ODAD1: variants seen among roughly 807,000 people sequenced by gnomAD.
ODAD1 encodes outer dynein arm-docking complex subunit 1.
A neutral mutation model predicts 67.2 loss-of-function variants in ODAD1; 49 were observed. The ratio of observed to expected loss-of-function variants is 0.73; its 90% CI spans 0.58 to 0.92. The LOEUF (loss-of-function observed/expected upper bound fraction) is 0.92, where lower values mean the gene tolerates loss of function less well. Among genes scored for constraint, ODAD1 ranks in the 40% least tolerant of loss-of-function variants. The pLI is 0.00. For synonymous variants in ODAD1, 345 were observed against 393.7 expected (o/e 0.88, Z 1.46); for missense variants, 897 against 953.7 (o/e 0.94, Z 0.78).
At chr19:48,308,284 C>T (rs938766130) in intron 7 of ODAD1, among the ~76,000 whole-genome samples, 1 of 152,032 alleles carries the variant, frequency 6.6e-6, no homozygotes, top group Non-Finnish European at 1.5e-5. Flanking sequence ...AAGTGATTCT[C>T]CTGCCTCAGC....
intron 7 of ODAD1, among the ~76,000 whole-genome samples, chr19:48,309,393 C>T (rs1296305762): frequency 6.6e-6 from 1 of 152,182 alleles, no homozygotes; most frequent in African/African-American, 2.4e-5. Context: ...CTGCTGAGAG[C>T]TTCAGAGGCC....
intron 8 of ODAD1, 73 bp downstream of exon 8, chr19:48,306,183 C>T: frequency 6.5e-7 from 1 of 1,543,746 alleles, no homozygotes; most frequent in Non-Finnish European, 8.8e-7. Flanking sequence ...TGAACCTTCC[C>T]ATCACTGCCT....
chr19:48,297,701 G>T, intron 14 of ODAD1, 33 bp from the exon 15 acceptor site: 2 of 1,453,000 alleles, frequency 1.4e-6, no homozygotes, highest in South Asian at 1.4e-5. Flanking sequence ...GAAAAGACTA[G>T]ACCTCAGCCC....
At chr19:48,320,253 G>A (rs940670238) in intron 3 of ODAD1, 46 bp downstream of exon 3, 2 of 1,170,658 alleles carry the variant, frequency 1.7e-6, no homozygotes, top group Non-Finnish European at 2.3e-6. Context: ...GGAAAGCTGG[G>A]GGCTGGAAAA....
At chr19:48,315,395 T>C (rs1968871434) in intron 5 of ODAD1, among the ~76,000 whole-genome samples, 1 of 152,018 alleles carries the variant, frequency 6.6e-6, no homozygotes, top group Non-Finnish European at 1.5e-5. Context: ...AAATACAAAA[T>C]TAGCCAGGCA....
At chr19:48,315,354 G>A (rs1285703116) in intron 5 of ODAD1, among the ~76,000 whole-genome samples, 1 of 152,188 alleles carries the variant, frequency 6.6e-6, no homozygotes, top group East Asian at 1.9e-4. Flanking sequence ...AGACCAGCCT[G>A]GCCAACATGG....
chr19:48,303,796 G>C lies in ODAD1; in HGVS notation c.854-12C>G. The C allele has an allele frequency of 6.2e-7, 1 of 1,600,678 alleles. No homozygotes were observed. Among genetic ancestry groups the C allele is most frequent in the Non-Finnish European group, 8.5e-7 (1 of 1,173,102 alleles). On this transcript the variant is annotated splice_polypyrimidine_tract_variant and intron_variant, in intron 9 of 15. Coordinates refer to ENST00000674294, the MANE Select transcript of ODAD1 (RefSeq NM_001364171.2). ...GGCCACCTCCCCGGCTAGGGGAAGA[G>C]AGAACAGCAGGTCGGCCTCCTGGGT...
chr19:48,298,654 G>A (rs954956294), intron 12 of ODAD1, among the ~76,000 whole-genome samples: 8 of 152,310 alleles, frequency 5.3e-5, no homozygotes, highest in African/African-American at 1.9e-4. Flanking sequence ...GGCTTGACAC[G>A]CTGCTGCTCT....
At position 48,298,250 on chromosome 19, in the gene ODAD1, A is replaced by G. The variant is rs1322639148; in HGVS notation, c.1331T>C (p.Met444Thr). 2.5e-6 allele frequency: 4 copies of G among 1,614,118 alleles called. No individual in the cohort carries two copies. Among genetic ancestry groups the G allele is most frequent in the Non-Finnish European group, 2.5e-6 (3 of 1,180,022 alleles). The change falls in exon 13 of 16, where the codon ATG becomes ACG. Residue 444 changes from methionine to threonine, a missense_variant. By Grantham distance (81) the Met-to-Thr change is moderately conservative. Coordinates refer to ENST00000674294, the MANE Select transcript of ODAD1 (RefSeq NM_001364171.2). The part of the protein sequence containing the change: ...GVKTSMGDRD[M>T]GLFLSLIEKR... ...CTCAATGAGGCTCAGGAAGAGGCCC[A>G]TGTCCCGGTCTCCCATGCTGGTCTT...
chr19:48,316,841 A>G (rs914319696), intron 5 of ODAD1, among the ~76,000 whole-genome samples: 1 of 152,160 alleles, frequency 6.6e-6, no homozygotes, highest in African/African-American at 2.4e-5. Context: ...CTACCAAAAA[A>G]TACAAAAATG....
At chr19:48,306,437 A>G (rs1569006471) in intron 7 of ODAD1, 114 bp from the exon 8 acceptor site, 1 of 821,396 alleles carries the variant, frequency 1.2e-6, no homozygotes, top group African/African-American at 1.7e-5. Flanking sequence ...AGCCTTCCAA[A>G]TGTGGACCCT....
intron 5 of ODAD1, among the ~76,000 whole-genome samples, chr19:48,314,647 ATACCC>A (rs1968851782): frequency 6.6e-6 from 1 of 152,106 alleles, no homozygotes; most frequent in South Asian, 2.1e-4. Context: ...TAAAAGCCAA[ATACCC>A]AATTGTTGGT....
At chr19:48,300,429 A>C (rs1243514904) in intron 12 of ODAD1, among the ~76,000 whole-genome samples, 2 of 152,226 alleles carry the variant, frequency 1.3e-5, no homozygotes, top group Non-Finnish European at 2.9e-5. Flanking sequence ...TCAAACAATG[A>C]AACTTCTAGG....
At chr19:48,310,004 G>A (rs1435890484) in intron 7 of ODAD1, among the ~76,000 whole-genome samples, 1 of 152,148 alleles carries the variant, frequency 6.6e-6, no homozygotes, top group African/African-American at 2.4e-5. Flanking sequence ...GGAGGCTGAG[G>A]CGGGTGGAAC....
At chr19:48,313,959 G>A (rs1422359237) in intron 5 of ODAD1, among the ~76,000 whole-genome samples, 1 of 151,810 alleles carries the variant, frequency 6.6e-6, no homozygotes, top group African/African-American at 2.4e-5. Context: ...GATAAAGACA[G>A]AGGTCAGGTG....
chr19:48,317,439 C>A (rs1196240320), intron 5 of ODAD1, among the ~76,000 whole-genome samples: 1 of 152,002 alleles, frequency 6.6e-6, no homozygotes, highest in African/African-American at 2.4e-5. Flanking sequence ...GCATTACCAC[C>A]GTCCTTGTTT....
At position 48,297,238 on chromosome 19, in the gene ODAD1, C is replaced by G; in HGVS notation, c.1862G>C (p.Gly621Ala). 1 of 1,614,094 alleles carries G rather than the reference C, an allele frequency of 6.2e-7. No individual in the cohort carries two copies. Among genetic ancestry groups the G allele is most frequent in the Non-Finnish European group, 8.5e-7 (1 of 1,180,006 alleles). Residue 621 changes from glycine to alanine, a missense_variant, in exon 16 of 16, where the codon GGC becomes GCC. Gly to Ala is a moderately conservative substitution (Grantham distance 60). Coordinates refer to ENST00000674294, the MANE Select transcript of ODAD1 (RefSeq NM_001364171.2). Reference protein sequence around the residue: ...SHITHGDPNTGHVTFGSTSAS... With the variant: ...SHITHGDPNTAHVTFGSTSAS... ...ACTGGTGGAGCCGAAGGTCACGTGGCCAGTGTTGGGGTCACCGTGCGTGAT... is the reference window on the plus strand; with the variant it reads ...ACTGGTGGAGCCGAAGGTCACGTGGGCAGTGTTGGGGTCACCGTGCGTGAT...
chr19:48,300,805 A>G (rs192547632), intron 12 of ODAD1, among the ~76,000 whole-genome samples: 3 of 152,320 alleles, frequency 2.0e-5, no homozygotes, highest in Admixed American at 2.0e-4. Context: ...TAGAGAGAGT[A>G]CGGCACACAC....
At position 48,305,414 on chromosome 19, in the gene ODAD1, T is replaced by C. The variant is rs1487864939; in HGVS notation, c.665+842A>G. 3.3e-5 allele frequency among the ~76,000 whole-genome samples: 5 copies of C among 151,874 alleles called. No individual in the cohort carries two copies. The East Asian group carries it at 7.7e-4, about 23-fold the overall frequency. On this transcript the variant is annotated intron_variant, in intron 8 of 15. Transcript: ENST00000674294. ...TGTGCTAGATGCGCTTTTTTTTTTT[T>C]TTTCTCCTGAGACGGAGTCTCACTC...
Sources: gnomAD v4.1 joint callset for allele counts (sites outside exome capture counted in the v4.1 genomes callset) on GRCh38, gnomAD v4.1.1 for gene constraint, MANE v1.5 for transcripts, NCBI Gene and HGNC (gene_info 2026-07-23, HGNC 2026-07-21) for gene names.